FDFT1: variants seen among roughly 807,000 people sequenced by gnomAD.
FDFT1 encodes farnesyl-diphosphate farnesyltransferase 1.
In FDFT1, 68 loss-of-function variants were observed where a neutral mutation model predicts 46.8. The ratio of observed to expected loss-of-function variants is 1.45; its 90% CI spans 1.19 to 1.78. The LOEUF (loss-of-function observed/expected upper bound fraction) is 1.78. FDFT1 is among the 40% of genes most tolerant of loss of function. The pLI is 0.00. For missense variants in FDFT1, 928 were observed against 524.4 expected (o/e 1.77, Z -7.52); for synonymous variants, 351 against 185.1 (o/e 1.90, Z -7.28).
At chr8:11,824,532 A>G (rs1489849039) in intron 4 of FDFT1, among the ~76,000 whole-genome samples, 1 of 151,904 alleles carries the variant, frequency 6.6e-6, no homozygotes, top group Non-Finnish European at 1.5e-5. Flanking sequence ...GGTTCAAGCG[A>G]GCCTCCTACT....
chr8:11,809,733 C>CA lies in FDFT1; in HGVS notation c.265dup (p.Ser89LysfsTer43). On this transcript the variant is annotated frameshift_variant, in exon 3 of 8. Transcript: ENST00000220584. LOFTEE classifies it high-confidence loss of function. Reference sequence around the variant, plus strand: ...ACACACTGGAAGATGACATGACCATCAGTGTGGAAAAGAAGGTCCCGCTGT... The same window carrying CA: ...ACACACTGGAAGATGACATGACCATCAAGTGTGGAAAAGAAGGTCCCGCTGT... 1 of 1,614,108 alleles carries CA rather than the reference C, an allele frequency of 6.2e-7. No individual in the cohort carries two copies. Among genetic ancestry groups the CA allele is most frequent in the East Asian group, 2.2e-5 (1 of 44,880 alleles).
chr8:11,834,124 C>G (rs1245846119), intron 7 of FDFT1, among the ~76,000 whole-genome samples: 1 of 152,350 alleles, frequency 6.6e-6, no homozygotes, highest in East Asian at 1.9e-4. Flanking sequence ...AACGTTGACT[C>G]TGTCCGATCT....
intron 1 of FDFT1, 133 bp downstream of exon 1, chr8:11,803,064 C>G (rs992986764): frequency 2.1e-6 from 3 of 1,453,664 alleles, no homozygotes; most frequent in African/African-American, 1.4e-5. Context: ...GTTCCCGTCC[C>G]CCTTTCCTCG....
chr8:11,834,193 A>G (rs1053640825), intron 7 of FDFT1, among the ~76,000 whole-genome samples: 1 of 152,152 alleles, frequency 6.6e-6, no homozygotes, highest in East Asian at 1.9e-4. Context: ...GGACCTCCTC[A>G]TGCTTCTCCA....
intron 2 of FDFT1, chr8:11,809,221 G>A (rs896517837): frequency 6.8e-6 from 8 of 1,181,360 alleles, no homozygotes; most frequent in Admixed American, 4.3e-5. Flanking sequence ...TCTATTTCTA[G>A]CATATTGGGT....
At chr8:11,819,348 A>G (rs1013635566) in intron 3 of FDFT1, among the ~76,000 whole-genome samples, 2 of 152,072 alleles carry the variant, frequency 1.3e-5, no homozygotes, top group Non-Finnish European at 2.9e-5. Context: ...TTCTCGAGGA[A>G]TATCTTTGTG....
At chr8:11,833,832 C>G (rs1159402329) in intron 7 of FDFT1, among the ~76,000 whole-genome samples, 2 of 152,172 alleles carry the variant, frequency 1.3e-5, no homozygotes, top group Non-Finnish European at 2.9e-5. Flanking sequence ...ATCAGTTGTT[C>G]TGTTATCCCA....
At chr8:11,801,391 C>G (rs1240967384), upstream of FDFT1, among the ~76,000 whole-genome samples, 2 of 152,240 alleles carry the variant, frequency 1.3e-5, no homozygotes, top group African/African-American at 2.4e-5. Context: ...GCGATCTCAG[C>G]TCACTGCAAC....
intron 7 of FDFT1, among the ~76,000 whole-genome samples, chr8:11,835,267 C>A (rs1173251644): frequency 6.6e-6 from 1 of 152,146 alleles, no homozygotes; most frequent in Non-Finnish European, 1.5e-5. Flanking sequence ...TTGCAGAAAC[C>A]TACTGTGTGC....
intron 7 of FDFT1, among the ~76,000 whole-genome samples, chr8:11,836,261 C>T (rs114978908): frequency 0.01 from 1,575 of 152,238 alleles, 27 homozygotes; most frequent in African/African-American, 0.036. Context: ...GGCATCAGGG[C>T]ACTCAGGTCA....
chr8:11,802,277 C>T (rs1017060888), upstream of FDFT1: 1 of 383,624 alleles, frequency 2.6e-6, no homozygotes, highest in East Asian at 7.2e-5. Context: ...AGAGCGGCTG[C>T]AGAGCTCACC....
At chr8:11,799,103 C>T (rs182991382), upstream of FDFT1, among the ~76,000 whole-genome samples, 11 of 152,348 alleles carry the variant, frequency 7.2e-5, no homozygotes, top group Non-Finnish European at 1.5e-4. Flanking sequence ...GACCCATATT[C>T]ACTTTGGGAT....
rs925964510 is a variant in FDFT1 at position 11,803,266 on chromosome 8, T to G, written c.99+335T>G. ...GGTTACACATCTGAGGCAATGTGGGTGGGTTACGCGGGAGAGGACGAGTGA... is the reference window on the plus strand; with the variant it reads ...GGTTACACATCTGAGGCAATGTGGGGGGGTTACGCGGGAGAGGACGAGTGA... On this transcript the variant is annotated intron_variant, in intron 1 of 7. Transcript: ENST00000220584. 4 of 1,343,916 alleles carry G rather than the reference T, an allele frequency of 3.0e-6. No homozygotes were observed. In the African/African-American group the frequency reaches 5.9e-5, roughly 20 times the overall value. 83.2% of individuals were successfully genotyped at this position (1,343,916 alleles called of 1,614,324 possible).
upstream of FDFT1, among the ~76,000 whole-genome samples, chr8:11,800,437 C>G (rs558067071): frequency 5.9e-5 from 9 of 152,198 alleles, no homozygotes; most frequent in East Asian, 1.7e-3. Context: ...CTGCTTGTGT[C>G]TAGTTTCCAT....
intron 3 of FDFT1, among the ~76,000 whole-genome samples, chr8:11,812,188 T>C (rs1453898547): frequency 1.3e-5 from 2 of 152,206 alleles, no homozygotes; most frequent in Admixed American, 6.5e-5. Flanking sequence ...ATGTGCTTGT[T>C]CAGCTCTCGT....
At chr8:11,799,579 G>C (rs957377203), upstream of FDFT1, among the ~76,000 whole-genome samples, 6 of 152,214 alleles carry the variant, frequency 3.9e-5, no homozygotes, top group Non-Finnish European at 8.8e-5. Flanking sequence ...ACTCCAAAAG[G>C]AAGGGGGTAC....
intron 1 of FDFT1, chr8:11,803,256 G>C: frequency 3.7e-6 from 5 of 1,355,812 alleles, no homozygotes; most frequent in Non-Finnish European, 4.8e-6. Context: ...CACATCTGAG[G>C]CAATGTGGGT....
At chr8:11,824,774 C>G (rs767118374) in intron 4 of FDFT1, among the ~76,000 whole-genome samples, 1 of 151,994 alleles carries the variant, frequency 6.6e-6, no homozygotes, top group South Asian at 2.1e-4. Context: ...CTCACTCTGT[C>G]GCCCAGGCTG....
intron 3 of FDFT1, among the ~76,000 whole-genome samples, chr8:11,819,488 T>G (rs1808925433): frequency 6.6e-6 from 1 of 152,148 alleles, no homozygotes; most frequent in Non-Finnish European, 1.5e-5. Flanking sequence ...GGTACAACAA[T>G]CATAGCATTG....
Sources: gnomAD v4.1 joint callset for allele counts (sites outside exome capture counted in the v4.1 genomes callset) on GRCh38, gnomAD v4.1.1 for gene constraint, MANE v1.5 for transcripts, NCBI Gene and HGNC (gene_info 2026-07-23, HGNC 2026-07-21) for gene names.